CNTNAP2: variants seen among roughly 807,000 people sequenced by gnomAD.
CNTNAP2 encodes the protein contactin-associated protein-like 2.
In CNTNAP2, 98 loss-of-function variants were observed where a neutral mutation model predicts 155.2. The observed-to-expected ratio is 0.63, with a 90% CI of 0.54 to 0.75. CNTNAP2 has a LOEUF of 0.75. Among genes scored for constraint, CNTNAP2 ranks in the 30% least tolerant of loss-of-function variants. The pLI, the probability that CNTNAP2 is intolerant of heterozygous loss-of-function variation, is 0.00. For missense variants in CNTNAP2, 1,727 were observed against 1,688.1 expected (o/e 1.02, Z -0.40); for synonymous variants, 651 against 631.2 (o/e 1.03, Z -0.47).
intron 21 of CNTNAP2, among the ~76,000 whole-genome samples, chr7:148,363,236 G>C (rs1261775288): frequency 6.6e-6 from 1 of 152,208 alleles, no homozygotes; most frequent in Non-Finnish European, 1.5e-5. Context: ...GCCTGCCTCG[G>C]CCTCCCTAAG....
intron 1 of CNTNAP2, among the ~76,000 whole-genome samples, chr7:146,215,561 G>C (rs1799099766): frequency 1.3e-5 from 2 of 151,400 alleles, no homozygotes; most frequent in South Asian, 4.2e-4. Flanking sequence ...CAAGAAAGAG[G>C]GTTCGCCTTA....
At chr7:147,925,531 A>G (rs1800381962) in intron 14 of CNTNAP2, among the ~76,000 whole-genome samples, 1 of 151,512 alleles carries the variant, frequency 6.6e-6, no homozygotes, top group African/African-American at 2.4e-5. Flanking sequence ...CAGTGGCGTG[A>G]TCTTGGCTCA....
intron 14 of CNTNAP2, among the ~76,000 whole-genome samples, chr7:147,955,310 C>T (rs1350947294): frequency 1.3e-5 from 2 of 152,066 alleles, no homozygotes; most frequent in South Asian, 2.1e-4. Flanking sequence ...TATTTTAAGA[C>T]AAATGATATA....
intron 15 of CNTNAP2, among the ~76,000 whole-genome samples, chr7:148,038,101 G>T (rs1050821905): frequency 2.0e-5 from 3 of 152,156 alleles, no homozygotes; most frequent in Admixed American, 2.0e-4. Flanking sequence ...GATCATTATA[G>T]TTTACATCTG....
intron 13 of CNTNAP2, among the ~76,000 whole-genome samples, chr7:147,788,905 T>C (rs956609392): frequency 4.1e-5 from 5 of 121,696 alleles, no homozygotes; most frequent in Admixed American, 8.0e-5. Flanking sequence ...TTTTTCTTTT[T>C]TTTTTTTTTT....
chr7:148,073,091 A>G (rs10243597), intron 15 of CNTNAP2, among the ~76,000 whole-genome samples: 78,800 of 152,014 alleles, frequency 0.52, 22,133 homozygotes, highest in East Asian at 0.82. Context: ...CCCCAATTGC[A>G]ACAACTAGAA....
chr7:146,564,485 CAT>C (rs2129144849), intron 1 of CNTNAP2, among the ~76,000 whole-genome samples: 1 of 149,460 alleles, frequency 6.7e-6, no homozygotes, highest in African/African-American at 2.4e-5. Context: ...TTTCATATAT[CAT>C]ATATAATTAT....
At chr7:146,359,222 A>G (rs544772250) in intron 1 of CNTNAP2, among the ~76,000 whole-genome samples, 37 of 152,368 alleles carry the variant, frequency 2.4e-4, no homozygotes, top group African/African-American at 8.4e-4. Context: ...CCACTTGGAA[A>G]TACATATAAT....
intron 20 of CNTNAP2, among the ~76,000 whole-genome samples, chr7:148,247,374 T>C (rs1003039802): frequency 2.0e-5 from 3 of 152,100 alleles, no homozygotes; most frequent in African/African-American, 7.2e-5. Context: ...TCGACCCTTC[T>C]CCACCAAACC....
At chr7:148,055,514 A>G (rs983646950) in intron 15 of CNTNAP2, among the ~76,000 whole-genome samples, 2 of 152,042 alleles carry the variant, frequency 1.3e-5, no homozygotes, top group Non-Finnish European at 2.9e-5. Flanking sequence ...TTATTAATCT[A>G]CCCCTCAGCT....
intron 5 of CNTNAP2, 126 bp from the exon 6 acceptor site, chr7:147,120,853 T>C (rs1383747447): frequency 1.3e-5 from 11 of 862,446 alleles, no homozygotes; most frequent in Non-Finnish European, 2.1e-5. Flanking sequence ...GTATCCCAGG[T>C]TAACTCGAAT....
intron 1 of CNTNAP2, among the ~76,000 whole-genome samples, chr7:146,151,372 T>C (rs922162247): frequency 6.6e-6 from 1 of 151,788 alleles, no homozygotes; most frequent in Non-Finnish European, 1.5e-5. Flanking sequence ...CTTGTACCCT[T>C]TAATCAATAT....
intron 15 of CNTNAP2, among the ~76,000 whole-genome samples, chr7:148,045,712 CATAATAGACA>C (rs1479188726): frequency 6.6e-6 from 1 of 152,146 alleles, no homozygotes. Flanking sequence ...TTTGAGAAAC[CATAATAGACA>C]CTACAGGGAC....
At chr7:147,748,724 T>TA (rs1797086746) in intron 13 of CNTNAP2, among the ~76,000 whole-genome samples, 6 of 152,172 alleles carry the variant, frequency 3.9e-5, no homozygotes, top group Admixed American at 3.9e-4. Flanking sequence ...TCCAAAGGGC[T>TA]CTGATGGGCC....
intron 1 of CNTNAP2, among the ~76,000 whole-genome samples, chr7:146,290,681 C>A (rs1263775766): frequency 6.6e-6 from 1 of 152,150 alleles, no homozygotes; most frequent in Non-Finnish European, 1.5e-5. Context: ...TCAGAAAAAA[C>A]TAGATCGAAA....
chr7:146,752,630 C>T (rs1801925503), intron 1 of CNTNAP2, among the ~76,000 whole-genome samples: 2 of 152,076 alleles, frequency 1.3e-5, no homozygotes, highest in African/African-American at 4.8e-5. Context: ...TAATTAGATC[C>T]TATTTATCAA....
chr7:147,777,057 T>C (rs1338982575), intron 13 of CNTNAP2, among the ~76,000 whole-genome samples: 2 of 152,150 alleles, frequency 1.3e-5, no homozygotes, highest in African/African-American at 4.8e-5. Context: ...AGAATAATTC[T>C]GTACTATCCA....
intron 1 of CNTNAP2, among the ~76,000 whole-genome samples, chr7:146,651,769 C>T (rs185607645): frequency 4.6e-5 from 7 of 152,208 alleles, no homozygotes; most frequent in Admixed American, 2.0e-4. Flanking sequence ...GCATAAATTG[C>T]AAGGTTGAGA....
intron 1 of CNTNAP2, among the ~76,000 whole-genome samples, chr7:146,191,064 A>G (rs1230112681): frequency 1.3e-5 from 2 of 152,172 alleles, no homozygotes; most frequent in Non-Finnish European, 2.9e-5. Context: ...CTGGTCACCA[A>G]TTATTGGGGG....
Sources: gnomAD v4.1 joint callset for allele counts (sites outside exome capture counted in the v4.1 genomes callset) on GRCh38, gnomAD v4.1.1 for gene constraint, MANE v1.5 for transcripts, NCBI Gene and HGNC (gene_info 2026-07-23, HGNC 2026-07-21) for gene names.